The following RBL2 variants were observed in gnomAD, a reference collection of about 807,000 sequenced individuals.
RBL2 encodes the protein RB transcriptional corepressor like 2, also known as retinoblastoma-like protein 2.
Under a neutral mutation model 126.0 loss-of-function variants are expected in RBL2, and 56 were observed. The ratio of observed to expected loss-of-function variants is 0.44; its 90% CI spans 0.36 to 0.56. The LOEUF (loss-of-function observed/expected upper bound fraction) is 0.56, where lower values mean the gene tolerates loss of function less well. RBL2 is among the 20% of genes least tolerant of loss of function. The pLI is 0.00. For synonymous variants in RBL2, 454 were observed against 478.5 expected (o/e 0.95, Z 0.67); for missense variants, 1,229 against 1,398.2 (o/e 0.88, Z 1.93).
At chr16:53,467,562 A>G (rs2058284096) in intron 14 of RBL2, among the ~76,000 whole-genome samples, 2 of 152,038 alleles carry the variant, frequency 1.3e-5, no homozygotes, top group African/African-American at 4.8e-5. Flanking sequence ...TAATTTTTGT[A>G]TTTTTAGTAG....
intron 14 of RBL2, among the ~76,000 whole-genome samples, chr16:53,468,266 T>C (rs377080545): frequency 1.7e-4 from 26 of 152,288 alleles, no homozygotes; most frequent in African/African-American, 6.0e-4. Flanking sequence ...AGGCTGGGCA[T>C]GGTGGCTCAT....
chr16:53,471,822 C>T (rs1303696843), intron 17 of RBL2, among the ~76,000 whole-genome samples: 1 of 152,126 alleles, frequency 6.6e-6, no homozygotes, highest in Non-Finnish European at 1.5e-5. Context: ...ATTTACAGTA[C>T]TAAGTGTAAT....
At chr16:53,435,716 A>G (rs1197464741) in intron 1 of RBL2, 1 of 1,289,152 alleles carries the variant, frequency 7.8e-7, no homozygotes, top group South Asian at 1.2e-5. Flanking sequence ...AGTCGGGCAA[A>G]TAGGTCCAGG....
chr16:53,481,600 C>T, intron 20 of RBL2, 71 bp from the exon 21 acceptor site: 2 of 1,332,020 alleles, frequency 1.5e-6, no homozygotes, highest in South Asian at 2.9e-5. Context: ...CCTCTTCACT[C>T]AATAATCATT....
intron 3 of RBL2, among the ~76,000 whole-genome samples, chr16:53,446,680 G>A (rs2058065311): frequency 6.6e-6 from 1 of 152,020 alleles, no homozygotes; most frequent in South Asian, 2.1e-4. Flanking sequence ...TATGATAAAG[G>A]AGAAAAAAAT....
intron 1 of RBL2, among the ~76,000 whole-genome samples, chr16:53,437,979 A>G (rs2057975551): frequency 6.6e-6 from 1 of 152,166 alleles, no homozygotes; most frequent in Admixed American, 6.6e-5. Flanking sequence ...GTGAGCCAAG[A>G]TGGAGCCACT....
chr16:53,452,138 A>G (rs1237272306), intron 5 of RBL2, among the ~76,000 whole-genome samples: 1 of 152,212 alleles, frequency 6.6e-6, no homozygotes, highest in Non-Finnish European at 1.5e-5. Flanking sequence ...GTTTTTCTAC[A>G]TTGGCAAACT....
chr16:53,457,258 C>CTGTTTTTTTTTTTTTTTTTTT (rs1776325403), intron 8 of RBL2, among the ~76,000 whole-genome samples: 1 of 89,954 alleles, frequency 1.1e-5, no homozygotes, highest in African/African-American at 6.0e-5. Context: ...GTACAGATAG[C>CTGTTTTTTTTTTTTTTTTTTT]TTTTTTTTTT....
At chr16:53,461,515 TAAAAG>T (rs1342858459) in intron 9 of RBL2, among the ~76,000 whole-genome samples, 4 of 150,634 alleles carry the variant, frequency 2.7e-5, no homozygotes, top group African/African-American at 9.7e-5. Context: ...ATATATAAAA[TAAAAG>T]GTGTAGCTCC....
At chr16:53,489,321 A>G (rs1419395304) in intron 21 of RBL2, 2 of 152,216 alleles carry the variant, frequency 1.3e-5, no homozygotes, top group Non-Finnish European at 2.9e-5. Context: ...CTACTTTTGT[A>G]TGTTTACAAT....
intron 12 of RBL2, chr16:53,464,796 G>T (rs60136526): frequency 0.05 from 7,665 of 152,666 alleles, 571 homozygotes; most frequent in African/African-American, 0.17. Context: ...TTGGTAGCTA[G>T]TTCTTTTTTT....
intron 8 of RBL2, among the ~76,000 whole-genome samples, chr16:53,455,325 G>A (rs991504418): frequency 6.6e-6 from 1 of 152,220 alleles, no homozygotes; most frequent in African/African-American, 2.4e-5. Context: ...CTTCTGCTAT[G>A]TGGTGGAACA....
Position 53,490,387 on chromosome 16 carries a change from C to A in RBL2, c.*87C>A. 1 of 1,277,782 alleles carries A rather than the reference C, an allele frequency of 7.8e-7. No homozygotes were observed. The highest frequency in any genetic ancestry group is 2.4e-5 in the East Asian group (1 of 40,936). 79.2% of individuals were successfully genotyped at this position (1,277,782 alleles called of 1,614,324 possible). A position where few individuals can be genotyped will look rare whatever the true frequency, so the allele number is the denominator to read the frequency against. ...AGATTATGGAGCTTTTTTCCTTAATCCAGCTGATGAGTTACAGCCTGTTAG... is the reference window on the plus strand; with the variant it reads ...AGATTATGGAGCTTTTTTCCTTAATACAGCTGATGAGTTACAGCCTGTTAG... On this transcript the variant is annotated 3_prime_UTR_variant, in exon 22 of 22. Transcript: ENST00000262133.
chr16:53,435,977 T>C (rs1396600450), intron 1 of RBL2, among the ~76,000 whole-genome samples: 3 of 152,158 alleles, frequency 2.0e-5, no homozygotes. Context: ...ACAGAGCTGT[T>C]CTGAAGATTA....
chr16:53,481,654 T>C lies in RBL2; in HGVS notation c.3085-17T>C. On this transcript the variant is annotated splice_polypyrimidine_tract_variant and intron_variant, in intron 20 of 21. Coordinates refer to ENST00000262133, the MANE Select transcript of RBL2 (RefSeq NM_005611.4). ...AAATTTTTTTCTTAGAATTACTGATTTTTTTTTTTTAAACAGATGGATGCT... is the reference window on the plus strand; with the variant it reads ...AAATTTTTTTCTTAGAATTACTGATCTTTTTTTTTTAAACAGATGGATGCT... 1 of 1,499,296 alleles carries C rather than the reference T, an allele frequency of 6.7e-7. No individual in the cohort carries two copies. The highest frequency in any genetic ancestry group is 8.9e-7 in the Non-Finnish European group (1 of 1,124,266). 92.9% of individuals were successfully genotyped at this position (1,499,296 alleles called of 1,614,324 possible). A position where few individuals can be genotyped will look rare whatever the true frequency, so the allele number is the denominator to read the frequency against.
intron 3 of RBL2, among the ~76,000 whole-genome samples, chr16:53,443,667 T>C (rs907427324): frequency 2.0e-5 from 3 of 152,214 alleles, no homozygotes; most frequent in African/African-American, 7.2e-5. Flanking sequence ...AAATGAAAAT[T>C]CTAACAATTA....
Position 53,442,803 on chromosome 16 carries a change from A to T in RBL2, c.517A>T (p.Ile173Phe), listed in dbSNP as rs1012619438. Residue 173 changes from isoleucine (I) to phenylalanine (F), a missense_variant, in exon 3 of 22, where the codon ATC becomes TTC. Physicochemically the swap from Ile to Phe is conservative, Grantham distance 21. Transcript: ENST00000262133. The stretch of plus-strand genomic sequence containing the variant: ...GAAATATGAACCCATTTTTCAGGAC[A>T]TCTTTAAATACCCTCAAGAGGAGCA... ...FKKYEPIFQD[I>F]FKYPQEEQPR... 3.1e-6 allele frequency: 5 copies of T among 1,613,772 alleles called. No homozygotes were observed. In the East Asian group the frequency reaches 1.1e-4, roughly 36 times the overall value.
chr16:53,443,236 G>A (rs1424254855), intron 3 of RBL2: 1 of 154,220 alleles, frequency 6.5e-6, no homozygotes, highest in Non-Finnish European at 1.4e-5. Flanking sequence ...AGATGTATCT[G>A]TATCTGTATC....
chr16:53,445,104 A>T (rs2058049562), intron 3 of RBL2, among the ~76,000 whole-genome samples: 1 of 152,148 alleles, frequency 6.6e-6, no homozygotes, highest in Non-Finnish European at 1.5e-5. Flanking sequence ...AAGTGGACAG[A>T]TCACTTGAGC....
Sources: gnomAD v4.1 joint callset for allele counts (sites outside exome capture counted in the v4.1 genomes callset) on GRCh38, gnomAD v4.1.1 for gene constraint, MANE v1.5 for transcripts, NCBI Gene and HGNC (gene_info 2026-07-23, HGNC 2026-07-21) for gene names.